The following NALF1 variants were observed in gnomAD, a reference collection of about 807,000 sequenced individuals.
NALF1 encodes the protein NALCN channel auxiliary factor 1.
A neutral mutation model predicts 48.4 loss-of-function variants in NALF1; 3 were observed. The ratio of observed to expected loss-of-function variants is 0.06; its 90% CI spans 0.03 to 0.16. The LOEUF (loss-of-function observed/expected upper bound fraction) is 0.16, where lower values mean the gene tolerates loss of function less well. Among genes scored for constraint, NALF1 ranks in the 10% least tolerant of loss-of-function variants. The probability of loss-of-function intolerance (pLI) is 1.00; values close to 1 mark genes in which losing one functional copy is unlikely to be tolerated. For missense variants in NALF1, 526 were observed against 571.5 expected, an observed-to-expected ratio of 0.92 and a Z score of 0.81; for synonymous variants, 262 against 245.7, an observed-to-expected ratio of 1.07 and a Z score of -0.62.
At chr13:107,321,547 T>C (rs973544172) in intron 1 of NALF1, among the ~76,000 whole-genome samples, 1 of 152,112 alleles carries the variant, frequency 6.6e-6, no homozygotes, top group Non-Finnish European at 1.5e-5. Context: ...TTAAGATATT[T>C]GCCATTTTTT....
At chr13:107,547,320 G>T (rs1877161641) in intron 1 of NALF1, among the ~76,000 whole-genome samples, 1 of 152,024 alleles carries the variant, frequency 6.6e-6, no homozygotes, top group African/African-American at 2.4e-5. Context: ...ATTGAATTTT[G>T]TTATAAAATC....
chr13:107,475,395 A>G (rs1244788143), intron 1 of NALF1, among the ~76,000 whole-genome samples: 1 of 152,046 alleles, frequency 6.6e-6, no homozygotes, highest in East Asian at 1.9e-4. Flanking sequence ...CTGCTCTACT[A>G]CTCTTGAAAT....
Position 107,167,678 on chromosome 13 carries a change from C to T in NALF1, c.*2819G>A, listed in dbSNP as rs894346724. The T allele has an allele frequency of 6.6e-6, 1 of 152,100 alleles. No individual in the cohort carries two copies. Among genetic ancestry groups the T allele is most frequent in the African/African-American group, 2.4e-5 (1 of 41,416 alleles). 9.4% of individuals were successfully genotyped at this position (152,100 alleles called of 1,614,324 possible). The stretch of plus-strand genomic sequence containing the variant: ...GGACTCATTCCCCTTCCCTCCTTAC[C>T]GTTCCTTCCTCACCTAAATTATCAC... On this transcript the variant is annotated 3_prime_UTR_variant, in exon 3 of 3. Transcript: ENST00000375915.
At chr13:107,650,797 T>C (rs1880433850) in intron 1 of NALF1, among the ~76,000 whole-genome samples, 1 of 152,168 alleles carries the variant, frequency 6.6e-6, no homozygotes, top group Non-Finnish European at 1.5e-5. Flanking sequence ...TGGAGACTAT[T>C]TCATCCTTAG....
intron 1 of NALF1, among the ~76,000 whole-genome samples, chr13:107,718,113 G>A (rs775008413): frequency 1.3e-5 from 2 of 152,126 alleles, no homozygotes; most frequent in Non-Finnish European, 2.9e-5. Flanking sequence ...CGAGGCGAGA[G>A]CCCTGCTGCT....
chr13:107,759,654 A>G (rs777008424), intron 1 of NALF1, among the ~76,000 whole-genome samples: 22 of 152,264 alleles, frequency 1.4e-4, no homozygotes, highest in Non-Finnish European at 2.6e-4. Flanking sequence ...TCCATCAGCC[A>G]TCACTCTGTG....
chr13:107,813,974 T>G (rs1235688495), intron 1 of NALF1, among the ~76,000 whole-genome samples: 1 of 152,174 alleles, frequency 6.6e-6, no homozygotes, highest in Non-Finnish European at 1.5e-5. Flanking sequence ...CATAGGTTTT[T>G]GAGCTTATGG....
intron 1 of NALF1, among the ~76,000 whole-genome samples, chr13:107,402,585 T>C (rs1205761712): frequency 6.6e-6 from 1 of 152,226 alleles, no homozygotes; most frequent in Non-Finnish European, 1.5e-5. Flanking sequence ...TTCAGTTATG[T>C]ATGTTGTCAC....
rs577719198 is a variant in NALF1, at chr13:107,302,438, A to T, written c.916-91683T>A. On this transcript the variant is annotated intron_variant, in intron 1 of 2. Transcript: ENST00000375915. ...CTAGCAGTGAGCCCTTCATTTCAAAATTTTTTTTTTCTCTTCCATGTTTGC... is the reference window on the plus strand; with the variant it reads ...CTAGCAGTGAGCCCTTCATTTCAAATTTTTTTTTTTCTCTTCCATGTTTGC... Among the ~76,000 whole-genome samples the T allele has an allele frequency of 2.7e-4, 41 of 151,076 alleles. No homozygotes were observed. In the South Asian group the frequency reaches 3.2e-3, roughly 12 times the overall value.
At chr13:107,775,372 A>C (rs912250753) in intron 1 of NALF1, among the ~76,000 whole-genome samples, 1 of 150,178 alleles carries the variant, frequency 6.7e-6, no homozygotes, top group African/African-American at 2.5e-5. Flanking sequence ...ATGTCCCTAC[A>C]AAGGACATGA....
intron 1 of NALF1, among the ~76,000 whole-genome samples, chr13:107,484,099 C>G (rs1477697830): frequency 6.6e-6 from 1 of 151,894 alleles, no homozygotes; most frequent in African/African-American, 2.4e-5. Flanking sequence ...CACCAGATCA[C>G]TATAGCACAG....
At position 107,617,343 on chromosome 13, in the gene NALF1, T is replaced by C. The variant is rs1879406808; in HGVS notation, c.915+248339A>G. Among the ~76,000 whole-genome samples, 7 of 152,320 alleles carry C rather than the reference T, an allele frequency of 4.6e-5. No homozygotes were observed. The South Asian group carries it at 1.5e-3, about 32-fold the overall frequency. ...TTATGATCTGTAGATTTCATTCAACTGTCTTACCAGAGAATCATTCGTAAC... is the reference window on the plus strand; with the variant it reads ...TTATGATCTGTAGATTTCATTCAACCGTCTTACCAGAGAATCATTCGTAAC... On this transcript the variant is annotated intron_variant, in intron 1 of 2. Coordinates refer to ENST00000375915, the MANE Select transcript of NALF1 (RefSeq NM_001080396.3).
chr13:107,481,538 T>G (rs1365842692), intron 1 of NALF1, among the ~76,000 whole-genome samples: 1 of 152,186 alleles, frequency 6.6e-6, no homozygotes, highest in Non-Finnish European at 1.5e-5. Context: ...CTTGACTTTT[T>G]ATAGTTGAGT....
rs551359129 is a variant in NALF1 at position 107,336,783 on chromosome 13, G to A, written c.916-126028C>T. 3.3e-5 allele frequency among the ~76,000 whole-genome samples: 5 copies of A among 152,216 alleles called. No individual in the cohort carries two copies. The South Asian group carries it at 1.0e-3, about 32-fold the overall frequency. On this transcript the variant is annotated intron_variant, in intron 1 of 2. Transcript: ENST00000375915. ...ATTATAAATTTAGGTTCATAAATGA[G>A]TTGATTTGAAGTGTCTCCAAGTCAT... is the stretch of plus-strand genomic sequence containing the variant.
chr13:107,470,887 G>A (rs1392404233), intron 1 of NALF1, among the ~76,000 whole-genome samples: 1 of 152,038 alleles, frequency 6.6e-6, no homozygotes, highest in Non-Finnish European at 1.5e-5. Flanking sequence ...ATAATTTAAA[G>A]GGTGACTTTC....
At chr13:107,693,329 A>AGGGGG (rs1483568046) in intron 1 of NALF1, among the ~76,000 whole-genome samples, 1 of 67,988 alleles carries the variant, frequency 1.5e-5, no homozygotes, top group South Asian at 4.8e-4. Context: ...GTCGTAGGGT[A>AGGGGG]GGGGGGGCGG....
At chr13:107,440,484 G>T (rs973576037) in intron 1 of NALF1, among the ~76,000 whole-genome samples, 1 of 152,114 alleles carries the variant, frequency 6.6e-6, no homozygotes, top group Non-Finnish European at 1.5e-5. Context: ...CTGTTCCAAG[G>T]GTCAGAGAAG....
chr13:107,215,407 C>T (rs1879851883), intron 1 of NALF1, among the ~76,000 whole-genome samples: 1 of 152,100 alleles, frequency 6.6e-6, no homozygotes, highest in South Asian at 2.1e-4. Context: ...GTCACACAGG[C>T]CTGTTTGAAG....
intron 1 of NALF1, among the ~76,000 whole-genome samples, chr13:107,657,091 G>A (rs1222593564): frequency 7.9e-5 from 12 of 151,784 alleles, no homozygotes; most frequent in Non-Finnish European, 1.5e-4. Context: ...GGTGATGGGT[G>A]CACCAAAATC....
Sources: allele counts gnomAD v4.1 joint callset (sites outside exome capture counted in the v4.1 genomes callset), GRCh38; gene constraint gnomAD v4.1.1; transcripts MANE v1.5; gene names NCBI Gene and HGNC (gene_info 2026-07-23, HGNC 2026-07-21).